GPATCH2: variants seen among roughly 807,000 people sequenced by gnomAD.
GPATCH2 encodes G-patch domain containing 2, also known as G patch domain-containing protein 2.
A neutral mutation model predicts 58.0 loss-of-function variants in GPATCH2; 51 were observed. That is an observed-to-expected ratio of 0.88 (90% CI 0.70 to 1.11). GPATCH2 has a LOEUF of 1.11. GPATCH2 is among the 50% of genes most tolerant of loss of function. The probability of loss-of-function intolerance (pLI) is 0.00; values close to 1 mark genes in which losing one functional copy is unlikely to be tolerated. For missense variants in GPATCH2, 625 were observed against 652.2 expected, an observed-to-expected ratio of 0.96 and a Z score of 0.45; for synonymous variants, 222 against 218.5, an observed-to-expected ratio of 1.02 and a Z score of -0.14.
At chr1:217,501,833 C>T (rs1286133397) in intron 6 of GPATCH2, among the ~76,000 whole-genome samples, 2 of 151,822 alleles carry the variant, frequency 1.3e-5, no homozygotes, top group Non-Finnish European at 2.9e-5. Context: ...TTTGAAAGGT[C>T]TTTATATATT....
At chr1:217,604,630 T>G (rs573648139) in intron 5 of GPATCH2, among the ~76,000 whole-genome samples, 1 of 152,292 alleles carries the variant, frequency 6.6e-6, no homozygotes, top group African/African-American at 2.4e-5. Context: ...GTTGAGGACA[T>G]AGGCTGTATT....
intron 5 of GPATCH2, among the ~76,000 whole-genome samples, chr1:217,577,205 T>C (rs191278213): frequency 2.7e-4 from 41 of 152,268 alleles, no homozygotes; most frequent in Non-Finnish European, 4.3e-4. Context: ...TTACCCTAAT[T>C]TAAGGGAGAA....
chr1:217,478,997 A>G (rs1224652564), intron 8 of GPATCH2, among the ~76,000 whole-genome samples: 1 of 152,104 alleles, frequency 6.6e-6, no homozygotes, highest in Non-Finnish European at 1.5e-5. Flanking sequence ...CTAAAGGAAA[A>G]AAAAAACTTT....
At position 217,513,257 on chromosome 1, in the gene GPATCH2, C is replaced by T. The variant is rs185579335; in HGVS notation, c.1166+1565G>A. On this transcript the variant is annotated intron_variant, in intron 6 of 9. Coordinates refer to ENST00000366935, the MANE Select transcript of GPATCH2 (RefSeq NM_018040.5). ...AGTGAGCCGAGATCATGACATTGCA[C>T]TCCAGCCTGGGTGACAAGAGGGAGA... 1.2e-4 allele frequency among the ~76,000 whole-genome samples: 19 copies of T among 152,164 alleles called. 1 individual carries two copies. The highest frequency in any genetic ancestry group is 9.2e-4 in the Admixed American group (14 of 15,268).
rs368352374 is a variant in GPATCH2, at chr1:217,472,413, C to T, written c.1277+19267G>A. ...GCTTCCCAGGTTCACGCCATTCTCC[C>T]GCCTCAGCCTCCCGAGTGGCTGGGA... On this transcript the variant is annotated intron_variant, in intron 8 of 9. Coordinates refer to ENST00000366935, the MANE Select transcript of GPATCH2 (RefSeq NM_018040.5). Among the ~76,000 whole-genome samples, 8 of 151,504 alleles carry T rather than the reference C, an allele frequency of 5.3e-5. No individual in the cohort carries two copies. The South Asian group carries it at 1.3e-3, about 24-fold the overall frequency.
At chr1:217,592,786 T>C (rs1444471934) in intron 5 of GPATCH2, among the ~76,000 whole-genome samples, 1 of 151,970 alleles carries the variant, frequency 6.6e-6, no homozygotes, top group Non-Finnish European at 1.5e-5. Context: ...TAGCTTCCTT[T>C]TAATGCCACT....
intron 9 of GPATCH2, among the ~76,000 whole-genome samples, chr1:217,433,914 C>T (rs1271245871): frequency 1.3e-5 from 2 of 152,116 alleles, no homozygotes; most frequent in South Asian, 2.1e-4. Context: ...AATACCTACA[C>T]CCCTGTTATT....
chr1:217,629,544 A>G (rs964860213), intron 1 of GPATCH2, among the ~76,000 whole-genome samples: 1 of 152,196 alleles, frequency 6.6e-6, no homozygotes, highest in Middle Eastern at 3.2e-3. Flanking sequence ...TCTACATAGG[A>G]CATTTTGTCT....
chr1:217,528,450 T>C (rs1664027840), intron 5 of GPATCH2, among the ~76,000 whole-genome samples: 1 of 152,236 alleles, frequency 6.6e-6, no homozygotes, highest in East Asian at 1.9e-4. Context: ...CAAATCCTTC[T>C]GCCTACGATG....
At chr1:217,618,963 GA>G (rs139260019) in intron 2 of GPATCH2, among the ~76,000 whole-genome samples, 76 of 138,016 alleles carry the variant, frequency 5.5e-4, no homozygotes, top group Admixed American at 7.4e-4. Context: ...TCTCTATCTC[GA>G]AAAAAAAAAA....
chr1:217,456,941 C>T (rs966628349), intron 8 of GPATCH2, among the ~76,000 whole-genome samples: 1 of 152,156 alleles, frequency 6.6e-6, no homozygotes, highest in Non-Finnish European at 1.5e-5. Context: ...CAACAAAATA[C>T]TGATGATAAT....
chr1:217,610,816 T>C, intron 4 of GPATCH2, 73 bp downstream of exon 4: 1 of 1,050,150 alleles, frequency 9.5e-7, no homozygotes, highest in Non-Finnish European at 1.4e-6. Context: ...CACTTTATCT[T>C]ATCCTCCTTG....
chr1:217,461,897 T>C (rs1660217617), intron 8 of GPATCH2, among the ~76,000 whole-genome samples: 1 of 152,200 alleles, frequency 6.6e-6, no homozygotes, highest in Admixed American at 6.5e-5. Flanking sequence ...CTAAAACTTT[T>C]ACAGACTTGT....
chr1:217,545,012 T>C (rs1388659075), intron 5 of GPATCH2, among the ~76,000 whole-genome samples: 1 of 152,196 alleles, frequency 6.6e-6, no homozygotes, highest in Non-Finnish European at 1.5e-5. Flanking sequence ...CTTCTTGTTT[T>C]TCTCAACATC....
At chr1:217,605,309 C>G (rs1159349156) in intron 5 of GPATCH2, among the ~76,000 whole-genome samples, 1 of 152,132 alleles carries the variant, frequency 6.6e-6, no homozygotes, top group Non-Finnish European at 1.5e-5. Context: ...TGAATGCAAA[C>G]AGTATGCTTA....
At chr1:217,599,666 G>A (rs1206411222) in intron 5 of GPATCH2, among the ~76,000 whole-genome samples, 42 of 152,070 alleles carry the variant, frequency 2.8e-4, no homozygotes, top group Non-Finnish European at 1.5e-5. Context: ...GAACAATGAA[G>A]ACATCCTAAG....
chr1:217,474,485 C>T (rs1452732681), intron 8 of GPATCH2, among the ~76,000 whole-genome samples: 1 of 152,186 alleles, frequency 6.6e-6, no homozygotes, highest in Non-Finnish European at 1.5e-5. Context: ...AAAACCACCA[C>T]AAAAGTGAAT....
At chr1:217,573,568 C>T (rs964883418) in intron 5 of GPATCH2, among the ~76,000 whole-genome samples, 3 of 152,084 alleles carry the variant, frequency 2.0e-5, no homozygotes, top group Admixed American at 1.3e-4. Flanking sequence ...TTAAATTCAA[C>T]AAACATGAAC....
At chr1:217,613,461 T>C (rs566047157) in intron 3 of GPATCH2, among the ~76,000 whole-genome samples, 9 of 152,136 alleles carry the variant, frequency 5.9e-5, no homozygotes, top group Non-Finnish European at 1.2e-4. Flanking sequence ...GATAGGTATC[T>C]GTATGTATGA....
Sources: gnomAD v4.1 joint callset for allele counts (sites outside exome capture counted in the v4.1 genomes callset) on GRCh38, gnomAD v4.1.1 for gene constraint, MANE v1.5 for transcripts, NCBI Gene and HGNC (gene_info 2026-07-23, HGNC 2026-07-21) for gene names.